FYN: variants seen among roughly 807,000 people sequenced by gnomAD.
The protein encoded by FYN is tyrosine-protein kinase Fyn.
Under a neutral mutation model 70.2 loss-of-function variants are expected in FYN, and 10 were observed. The ratio of observed to expected loss-of-function variants is 0.14; its 90% CI spans 0.09 to 0.24. The LOEUF is 0.24. Ranked by LOEUF, FYN falls within the 10% of genes least tolerant of loss-of-function variation. The pLI is 1.00. For missense variants in FYN, 319 were observed against 673.1 expected (o/e 0.47, Z 5.82); for synonymous variants, 236 against 248.6 (o/e 0.95, Z 0.48).
chr6:111,836,215 A>G (rs569712257), intron 2 of FYN, among the ~76,000 whole-genome samples: 23 of 152,318 alleles, frequency 1.5e-4, no homozygotes, highest in African/African-American at 5.5e-4. Context: ...GAGGTGGCCA[A>G]TTCCTCCAAT....
At chr6:111,733,992 C>T (rs762929899) in intron 3 of FYN, among the ~76,000 whole-genome samples, 19 of 151,998 alleles carry the variant, frequency 1.3e-4, no homozygotes, top group Non-Finnish European at 1.8e-4. Context: ...GGGGCTGGGG[C>T]GGGAGGATCA....
chr6:111,788,875 G>A (rs1771500783), intron 2 of FYN, among the ~76,000 whole-genome samples: 1 of 152,102 alleles, frequency 6.6e-6, no homozygotes, highest in African/African-American at 2.4e-5. Flanking sequence ...TATAGTGGGT[G>A]GGAGGGAGGT....
chr6:111,811,074 C>T (rs971329310), intron 2 of FYN, among the ~76,000 whole-genome samples: 11 of 152,290 alleles, frequency 7.2e-5, no homozygotes, highest in African/African-American at 2.4e-4. Flanking sequence ...TGCCCGGCAC[C>T]AGCTGATATA....
chr6:111,684,826 G>C (rs1230791823), intron 12 of FYN, among the ~76,000 whole-genome samples: 1 of 152,172 alleles, frequency 6.6e-6, no homozygotes, highest in African/African-American at 2.4e-5. Flanking sequence ...ACTTTCCTTG[G>C]AGTACAGACT....
chr6:111,682,949 C>T (rs559264031), intron 12 of FYN, among the ~76,000 whole-genome samples: 4 of 152,328 alleles, frequency 2.6e-5, no homozygotes, highest in Admixed American at 2.6e-4. Context: ...CTGAGTTGCA[C>T]TGGCAAATGC....
intron 2 of FYN, among the ~76,000 whole-genome samples, chr6:111,813,220 T>C: frequency 6.6e-6 from 1 of 152,196 alleles, no homozygotes; most frequent in East Asian, 1.9e-4. Context: ...TTATCTGTAG[T>C]TTGGTGATTT....
intron 1 of FYN, among the ~76,000 whole-genome samples, chr6:111,870,435 G>A (rs1774237988): frequency 6.6e-6 from 1 of 152,146 alleles, no homozygotes; most frequent in African/African-American, 2.4e-5. Context: ...ATATTTGCAG[G>A]CCTATTTGTT....
intron 2 of FYN, among the ~76,000 whole-genome samples, chr6:111,827,652 C>T (rs1447639039): frequency 6.6e-6 from 1 of 152,090 alleles, no homozygotes; most frequent in Non-Finnish European, 1.5e-5. Context: ...AGTTTACTGC[C>T]CATGCCCCCA....
chr6:111,704,107 A>C lies in FYN; in HGVS notation c.444-5T>G. The stretch of plus-strand genomic sequence containing the variant: ...CCAAGTTTTCCAAAGTACCACCTTT[A>C]AATTAGATCAAGGAAAGAAAATATT... On this transcript the variant is annotated splice_polypyrimidine_tract_variant and splice_region_variant and intron_variant, in intron 6 of 13. Coordinates refer to ENST00000354650, the MANE Select transcript of FYN (RefSeq NM_002037.5). 6.2e-7 allele frequency: 1 copy of C among 1,609,918 alleles called. No individual in the cohort carries two copies. The highest frequency in any genetic ancestry group is 1.1e-5 in the South Asian group (1 of 90,784).
intron 3 of FYN, among the ~76,000 whole-genome samples, chr6:111,723,981 C>T (rs1420692330): frequency 6.6e-6 from 1 of 152,132 alleles, no homozygotes; most frequent in Non-Finnish European, 1.5e-5. Flanking sequence ...TGGTGAAGGG[C>T]ATTTTCACCA....
At chr6:111,710,011 A>G (rs1372146905) in intron 5 of FYN, among the ~76,000 whole-genome samples, 1 of 152,078 alleles carries the variant, frequency 6.6e-6, no homozygotes, top group Non-Finnish European at 1.5e-5. Flanking sequence ...ATGGCTTTGG[A>G]GACATAATCT....
At chr6:111,853,879 G>C (rs914714409) in intron 1 of FYN, among the ~76,000 whole-genome samples, 1 of 152,150 alleles carries the variant, frequency 6.6e-6, no homozygotes, top group Admixed American at 6.5e-5. Context: ...TTGTCATATA[G>C]ATTTTTAAAA....
At chr6:111,870,531 A>G (rs1205199652) in intron 1 of FYN, among the ~76,000 whole-genome samples, 1 of 152,256 alleles carries the variant, frequency 6.6e-6, no homozygotes. Context: ...TAAATGAAAC[A>G]GAATACCCGC....
At chr6:111,855,674 C>T (rs146285199) in intron 1 of FYN, among the ~76,000 whole-genome samples, 37 of 152,222 alleles carry the variant, frequency 2.4e-4, no homozygotes, top group Non-Finnish European at 4.0e-4. Context: ...TCAACCTGGG[C>T]GTGCCATAAC....
intron 13 of FYN, among the ~76,000 whole-genome samples, chr6:111,672,340 C>T (rs551579918): frequency 6.6e-6 from 1 of 152,358 alleles, no homozygotes; most frequent in East Asian, 1.9e-4. Context: ...GTTATCACAG[C>T]CCACTGCAGA....
chr6:111,737,591 A>C (rs1801765498), intron 3 of FYN, among the ~76,000 whole-genome samples: 1 of 152,230 alleles, frequency 6.6e-6, no homozygotes, highest in African/African-American at 2.4e-5. Flanking sequence ...GAACCTGCAC[A>C]TGTTCAGCTA....
At chr6:111,805,465 CAT>C (rs1772118567) in intron 2 of FYN, among the ~76,000 whole-genome samples, 2 of 152,230 alleles carry the variant, frequency 1.3e-5, no homozygotes, top group African/African-American at 4.8e-5. Context: ...CAACTCTACA[CAT>C]GTGAGACGCT....
intron 13 of FYN, among the ~76,000 whole-genome samples, chr6:111,673,423 C>T (rs1798386156): frequency 6.6e-6 from 1 of 152,128 alleles, no homozygotes; most frequent in African/African-American, 2.4e-5. Flanking sequence ...AAGGCTACAC[C>T]AACCCAGAAC....
chr6:111,857,124 T>C (rs1773842306), intron 1 of FYN, among the ~76,000 whole-genome samples: 1 of 152,236 alleles, frequency 6.6e-6, no homozygotes, highest in Non-Finnish European at 1.5e-5. Flanking sequence ...ACTGATACTT[T>C]ATTTAGCACA....
Sources: gnomAD v4.1 joint callset for allele counts (sites outside exome capture counted in the v4.1 genomes callset) on GRCh38, gnomAD v4.1.1 for gene constraint, MANE v1.5 for transcripts, NCBI Gene and HGNC (gene_info 2026-07-23, HGNC 2026-07-21) for gene names.